The following RGS6 variants were observed in gnomAD, a reference collection of about 807,000 sequenced individuals.
The protein encoded by RGS6 is regulator of G protein signaling 6.
A neutral mutation model predicts 78.5 loss-of-function variants in RGS6; 30 were observed. That is an observed-to-expected ratio of 0.38 (90% CI 0.29 to 0.52). The LOEUF (loss-of-function observed/expected upper bound fraction) is 0.52, where lower values mean the gene tolerates loss of function less well. Among genes scored for constraint, RGS6 ranks in the 20% least tolerant of loss-of-function variants. RGS6 has a pLI of 0.85. For missense variants in RGS6, 495 were observed against 609.7 expected, an observed-to-expected ratio of 0.81 and a Z score of 1.98; for synonymous variants, 206 against 206.0, an observed-to-expected ratio of 1.00 and a Z score of 0.00.
intron 15 of RGS6, among the ~76,000 whole-genome samples, chr14:72,519,687 A>C (rs1264569316): frequency 1.3e-5 from 2 of 152,222 alleles, no homozygotes; most frequent in African/African-American, 4.8e-5. Flanking sequence ...TGCAGCTTCA[A>C]AGCAGAATGT....
intron 2 of RGS6, among the ~76,000 whole-genome samples, chr14:72,031,804 G>C (rs8022416): frequency 0.078 from 11,832 of 152,234 alleles, 497 homozygotes; most frequent in South Asian, 0.12. Context: ...GGACTATTAG[G>C]GAACAGCCTA....
chr14:72,381,173 GA>G (rs1435350198), intron 3 of RGS6, among the ~76,000 whole-genome samples: 6 of 152,176 alleles, frequency 3.9e-5, no homozygotes, highest in South Asian at 2.1e-4. Context: ...GAAGGGTAGA[GA>G]GGGGGAGAGA....
rs200937222 is a variant in RGS6, at chr14:72,476,808, A to G, written c.760A>G (p.Arg254Gly). The change falls in exon 11 of 18, where the codon AGG (arginine) becomes GGG (glycine). Residue 254 changes from arginine to glycine, a missense_variant. Coordinates refer to ENST00000553525, the MANE Select transcript of RGS6 (RefSeq NM_001204424.2). The stretch of plus-strand genomic sequence containing the variant: ...GGTGCATGTACTCAGCCAACCAATC[A>G]GGAAAACAACAAAAGAGGACATCCG... Reference protein sequence around the residue: ...SPVHVLSQPIRKTTKEDIRKQ... With the variant: ...SPVHVLSQPIGKTTKEDIRKQ... The G allele has an allele frequency of 6.2e-7, 1 of 1,614,248 alleles. No individual in the cohort carries two copies. Among genetic ancestry groups the G allele is most frequent in the Non-Finnish European group, 8.5e-7 (1 of 1,180,030 alleles).
rs559877240 is a variant in RGS6 at position 72,175,070 on chromosome 14, C to T, written c.85-177025C>T. On this transcript the variant is annotated intron_variant, in intron 2 of 17. Coordinates refer to ENST00000553525, the MANE Select transcript of RGS6 (RefSeq NM_001204424.2). ...TCACATTGCAGTAGAGGGACTGTGC[C>T]GAGTGTCATGCAATGGCCAGTTATC... Among the ~76,000 whole-genome samples the T allele has an allele frequency of 1.3e-3, 201 of 152,220 alleles. 1 individual carries two copies. The highest frequency in any genetic ancestry group is 4.6e-3 in the African/African-American group (192 of 41,540).
In RGS6 at chr14:72,481,347, A is replaced by C. The variant is rs986422142; in HGVS notation, c.854+3018A>C. On this transcript the variant is annotated intron_variant, in intron 12 of 17. Transcript: ENST00000553525. ...CCATGAGACAGAATGAACTGGATAT[A>C]TGGTGCTTAAAGGAGCAAACAAAGG... Among the ~76,000 whole-genome samples the C allele has an allele frequency of 2.0e-5, 3 of 152,190 alleles. No individual in the cohort carries two copies. The South Asian group carries it at 6.2e-4, about 32-fold the overall frequency.
chr14:72,023,803 A>G (rs773719929), intron 2 of RGS6, among the ~76,000 whole-genome samples: 70 of 152,244 alleles, frequency 4.6e-4, no homozygotes, highest in Non-Finnish European at 1.5e-4. Flanking sequence ...GATGAATGAC[A>G]GGCAGGAGGA....
chr14:72,526,944 G>A (rs902412551), intron 15 of RGS6, among the ~76,000 whole-genome samples: 4 of 152,172 alleles, frequency 2.6e-5, no homozygotes, highest in Non-Finnish European at 4.4e-5. Context: ...TAAGGTCTGA[G>A]GACCTTTGGT....
At chr14:71,995,542 C>T (rs1349339216) in intron 2 of RGS6, among the ~76,000 whole-genome samples, 3 of 152,126 alleles carry the variant, frequency 2.0e-5, no homozygotes, top group Admixed American at 6.5e-5. Context: ...TGGGAAGTTT[C>T]CTTGATCTCC....
At chr14:72,236,974 C>A (rs905657524) in intron 2 of RGS6, among the ~76,000 whole-genome samples, 3 of 152,198 alleles carry the variant, frequency 2.0e-5, no homozygotes, top group African/African-American at 4.8e-5. Context: ...TCGATTTCCA[C>A]CCTACGTGCA....
intron 1 of RGS6, among the ~76,000 whole-genome samples, chr14:71,942,651 T>C (rs537564627): frequency 3.3e-5 from 5 of 152,340 alleles, no homozygotes; most frequent in Admixed American, 6.5e-5. Context: ...TCTGGTGACA[T>C]TGAATGTGTA....
At chr14:72,279,018 A>G (rs2079501) in intron 2 of RGS6, among the ~76,000 whole-genome samples, 10,205 of 152,022 alleles carry the variant, frequency 0.067, 513 homozygotes, top group East Asian at 0.29. Flanking sequence ...ATCCTATCCG[A>G]TTGAGACCCT....
In RGS6 at chr14:72,476,823, G is replaced by C. The variant is rs751269318; in HGVS notation, c.775G>C (p.Glu259Gln). ...LSQPIRKTTK[E>Q]DIRKQITFLN... Reference sequence around the variant, plus strand: ...CCAACCAATCAGGAAAACAACAAAAGAGGACATCCGGAAACAGGTGAATGA... The same window carrying C: ...CCAACCAATCAGGAAAACAACAAAACAGGACATCCGGAAACAGGTGAATGA... Residue 259 changes from glutamate (E) to glutamine (Q), a missense_variant, in exon 11 of 18, where the codon GAG becomes CAG. Glu to Gln is a conservative substitution (Grantham distance 29). Transcript: ENST00000553525. 5.0e-6 allele frequency: 8 copies of C among 1,614,154 alleles called. No homozygotes were observed. The highest frequency in any genetic ancestry group is 6.8e-6 in the Non-Finnish European group (8 of 1,179,990).
intron 3 of RGS6, among the ~76,000 whole-genome samples, chr14:72,380,056 T>C (rs994353317): frequency 4.4e-5 from 5 of 113,744 alleles, no homozygotes; most frequent in Non-Finnish European, 5.2e-5. Context: ...TGAAGAACAC[T>C]CACTGAGGCA....
At chr14:72,461,847 T>A (rs2153234405) in intron 6 of RGS6, among the ~76,000 whole-genome samples, 2 of 152,336 alleles carry the variant, frequency 1.3e-5, no homozygotes, top group South Asian at 4.1e-4. Flanking sequence ...AACCTCTCTG[T>A]GCCTCAGAGA....
intron 3 of RGS6, among the ~76,000 whole-genome samples, chr14:72,357,090 G>T (rs1032471819): frequency 6.6e-6 from 1 of 152,006 alleles, no homozygotes; most frequent in Admixed American, 6.6e-5. Context: ...GGCCAACATG[G>T]TGAAGCCCTG....
intron 15 of RGS6, among the ~76,000 whole-genome samples, chr14:72,527,938 A>T (rs1168573729): frequency 6.6e-6 from 1 of 152,204 alleles, no homozygotes; most frequent in Non-Finnish European, 1.5e-5. Context: ...CTTGAAAATC[A>T]CAAGAAGAGC....
At chr14:72,189,008 C>G (rs1258344788) in intron 2 of RGS6, among the ~76,000 whole-genome samples, 1 of 152,152 alleles carries the variant, frequency 6.6e-6, no homozygotes, top group East Asian at 1.9e-4. Flanking sequence ...AAGAGTAACT[C>G]TAATCTTTGT....
chr14:71,914,289 A>G, the RGS6 span, among the ~76,000 whole-genome samples: 1 of 152,150 alleles, frequency 6.6e-6, no homozygotes, highest in Non-Finnish European at 1.5e-5. Context: ...GCCATGGTTC[A>G]TTTCTTGTTT....
At chr14:72,620,129 C>T in the RGS6 span, 1 of 702,706 alleles carries the variant, frequency 1.4e-6, no homozygotes, top group African/African-American at 1.8e-5. Context: ...CTCACTGTCC[C>T]CTGAACACGC....
Sources: allele counts gnomAD v4.1 joint callset (sites outside exome capture counted in the v4.1 genomes callset), GRCh38; gene constraint gnomAD v4.1.1; transcripts MANE v1.5; gene names NCBI Gene and HGNC (gene_info 2026-07-23, HGNC 2026-07-21).